KDM4B: variants seen among roughly 807,000 people sequenced by gnomAD.
KDM4B encodes the protein lysine-specific demethylase 4B.
KDM4B carries 32 observed loss-of-function variants against 125.2 expected under a neutral mutation model. That is an observed-to-expected ratio of 0.26 (90% CI 0.19 to 0.34). KDM4B has a LOEUF of 0.34. KDM4B is among the 10% of genes least tolerant of loss of function. KDM4B has a pLI of 1.00. For synonymous variants in KDM4B, 721 were observed against 677.9 expected, an observed-to-expected ratio of 1.06 and a Z score of -0.99; for missense variants, 1,190 against 1,577.7, an observed-to-expected ratio of 0.75 and a Z score of 4.16.
intron 10 of KDM4B, among the ~76,000 whole-genome samples, chr19:5,111,119 G>A (rs954897835): frequency 8.5e-5 from 13 of 152,230 alleles, no homozygotes; most frequent in Admixed American, 7.2e-4. Flanking sequence ...GTCCCCGCCA[G>A]GAGGCTGACC....
intron 1 of KDM4B, among the ~76,000 whole-genome samples, chr19:5,005,636 G>A (rs771275138): frequency 6.6e-6 from 1 of 152,196 alleles, no homozygotes; most frequent in Non-Finnish European, 1.5e-5. Flanking sequence ...TCCCAGCACT[G>A]TTTGTTGAAA....
At chr19:4,986,393 C>T (rs903481937) in intron 1 of KDM4B, among the ~76,000 whole-genome samples, 2 of 152,146 alleles carry the variant, frequency 1.3e-5, no homozygotes, top group East Asian at 3.9e-4. Flanking sequence ...GAGCGCTGGC[C>T]GTGGGGACTC....
chr19:5,055,316 G>T (rs560400080), intron 6 of KDM4B, among the ~76,000 whole-genome samples: 1 of 152,352 alleles, frequency 6.6e-6, no homozygotes, highest in African/African-American at 2.4e-5. Flanking sequence ...CCTGGCTCTT[G>T]CTGGGAGCTG....
At position 5,030,667 on chromosome 19, in the gene KDM4B, C is replaced by T. The variant is rs1013731080; in HGVS notation, c.-25-2199C>T. The stretch of plus-strand genomic sequence containing the variant: ...AAGCGCAGGGGGAGACTCATGCGGT[C>T]ATGGCAGTGCCCTGGCATAGCATGC... On this transcript the variant is annotated intron_variant, in intron 2 of 22. Transcript: ENST00000159111. Among the ~76,000 whole-genome samples the T allele has an allele frequency of 1.1e-4, 17 of 152,374 alleles. No homozygotes were observed. The Middle Eastern group carries it at 0.014, about 122-fold the overall frequency.
chr19:5,023,366 G>C (rs2036181349), intron 2 of KDM4B, among the ~76,000 whole-genome samples: 1 of 152,262 alleles, frequency 6.6e-6, no homozygotes, highest in South Asian at 2.1e-4. Flanking sequence ...AGCTGCTCGT[G>C]GGACGTGGTG....
intron 2 of KDM4B, among the ~76,000 whole-genome samples, chr19:5,030,124 T>G (rs1014025119): frequency 5.3e-5 from 8 of 152,164 alleles, no homozygotes; most frequent in African/African-American, 1.7e-4. Context: ...ATTTATCTAT[T>G]TTTTGAGACA....
rs1452218268 is a variant in KDM4B, at chr19:4,994,780, T to C, written c.-108-21477T>C. On this transcript the variant is annotated intron_variant, in intron 1 of 22. Transcript: ENST00000159111. ...TTTTGTTCCTTTATTCCTTCTTTGA[T>C]GTTTTCTTTTGCATTAAGTGAATAT... Among the ~76,000 whole-genome samples, 3 of 152,278 alleles carry C rather than the reference T, an allele frequency of 2.0e-5. No homozygotes were observed. The East Asian group carries it at 5.8e-4, about 29-fold the overall frequency.
chr19:4,973,577 G>C (rs2034335536), intron 1 of KDM4B, among the ~76,000 whole-genome samples: 1 of 152,106 alleles, frequency 6.6e-6, no homozygotes, highest in Admixed American at 6.5e-5. Context: ...CAAATACTGA[G>C]GGGGGAGTGG....
In KDM4B at chr19:5,138,058, G is replaced by A. The variant is rs972964326; in HGVS notation, c.2538G>A (p.Gln846=). ...HPVDISAIPE[Q]RWKLKCVYCR... ...TGGACATCAGCGCCATCCCCGAGCA[G>A]CGGTGGAAGCTGGTAGGTCCTTGCG... The change falls in exon 18 of 23, where the codon CAG becomes CAA. Residue 846 remains glutamine (Q), a synonymous_variant. Coordinates refer to ENST00000159111, the MANE Select transcript of KDM4B (RefSeq NM_015015.3). The A allele has an allele frequency of 6.2e-7, 1 of 1,612,162 alleles. No individual in the cohort carries two copies. The highest frequency in any genetic ancestry group is 1.7e-5 in the Admixed American group (1 of 59,962).
chr19:5,002,213 G>A (rs2035408954), intron 1 of KDM4B, among the ~76,000 whole-genome samples: 1 of 152,154 alleles, frequency 6.6e-6, no homozygotes, highest in East Asian at 1.9e-4. Context: ...GGTCAGGCTG[G>A]TCTCAAAATC....
intron 1 of KDM4B, among the ~76,000 whole-genome samples, chr19:4,999,926 GACCC>G (rs939037518): frequency 2.1e-5 from 1 of 47,510 alleles, no homozygotes; most frequent in African/African-American, 8.7e-5. Context: ...TCCACACACC[GACCC>G]ACCCACCCAC....
chr19:5,092,181 G>A (rs1286859091), intron 9 of KDM4B, among the ~76,000 whole-genome samples: 1 of 152,198 alleles, frequency 6.6e-6, no homozygotes, highest in Non-Finnish European at 1.5e-5. Context: ...TGGAAAGAAG[G>A]CCTCGTTTAG....
intron 1 of KDM4B, among the ~76,000 whole-genome samples, chr19:5,006,527 C>T (rs573948342): frequency 4.6e-5 from 7 of 152,300 alleles, no homozygotes; most frequent in African/African-American, 1.7e-4. Context: ...AATCCCAGCA[C>T]TCTGGGAGGC....
At chr19:5,044,478 G>A (rs1335920291) in intron 5 of KDM4B, among the ~76,000 whole-genome samples, 1 of 152,138 alleles carries the variant, frequency 6.6e-6, no homozygotes, top group Non-Finnish European at 1.5e-5. Flanking sequence ...CAGTTCATCC[G>A]CTGACGGACA....
chr19:5,119,446 T>C (rs1420156817), intron 10 of KDM4B, among the ~76,000 whole-genome samples: 3 of 152,076 alleles, frequency 2.0e-5, no homozygotes, highest in Non-Finnish European at 2.9e-5. Context: ...CTCCCTTTGG[T>C]CTCTCCTCCC....
Position 5,144,238 on chromosome 19 carries a change from A to G in KDM4B, c.2737-10A>G, listed in dbSNP as rs1364946170. ...GCTGACCGCCCCCCACACCCTCCGC[A>G]CCCTCCCAGGTCCAACTCCTGAGGG... is the stretch of plus-strand genomic sequence containing the variant. On this transcript the variant is annotated splice_polypyrimidine_tract_variant and intron_variant, in intron 19 of 22. Coordinates refer to ENST00000159111, the MANE Select transcript of KDM4B (RefSeq NM_015015.3). 6.4e-7 allele frequency: 1 copy of G among 1,568,724 alleles called. No individual in the cohort carries two copies. The highest frequency in any genetic ancestry group is 8.6e-7 in the Non-Finnish European group (1 of 1,158,982).
chr19:5,026,095 G>A (rs1415807534), intron 2 of KDM4B, among the ~76,000 whole-genome samples: 1 of 151,460 alleles, frequency 6.6e-6, no homozygotes, highest in African/African-American at 2.4e-5. Flanking sequence ...TGTTGGCCAT[G>A]TCTTGAGCCC....
intron 11 of KDM4B, among the ~76,000 whole-genome samples, chr19:5,128,123 G>A (rs576936088): frequency 1.3e-5 from 2 of 152,124 alleles, no homozygotes; most frequent in South Asian, 2.1e-4. Context: ...TGTGAGGACA[G>A]CCCGGCTCTG....
In KDM4B at chr19:5,141,021, C is replaced by T. The variant is rs2039732794; in HGVS notation, c.2551-2946C>T. On this transcript the variant is annotated intron_variant, in intron 18 of 22. Coordinates refer to ENST00000159111, the MANE Select transcript of KDM4B (RefSeq NM_015015.3). This position sits in a 1 kb window ranked among gnomAD's most constrained non-coding sequence, Gnocchi z 6.4. Reference sequence around the variant, plus strand: ...TGGGGCTGGAAGCAGACAGATCAGTCTGGCAGGGTGGGTCTGCTGGGGAGA... The same window carrying T: ...TGGGGCTGGAAGCAGACAGATCAGTTTGGCAGGGTGGGTCTGCTGGGGAGA... 6.6e-6 allele frequency: 1 copy of T among 152,272 alleles called. No homozygotes were observed. Among genetic ancestry groups the T allele is most frequent in the Non-Finnish European group, 1.5e-5 (1 of 68,048 alleles). The allele number at this position is 152,272 out of a possible 1,614,324, so 9.4% of individuals were successfully genotyped here. A position where few individuals can be genotyped will look rare whatever the true frequency, so the allele number is the denominator to read the frequency against.
Sources: gnomAD v4.1 joint callset for allele counts (sites outside exome capture counted in the v4.1 genomes callset) on GRCh38, gnomAD v4.1.1 for gene constraint, Gnocchi (gnomAD v3.1) non-coding constraint, MANE v1.5 for transcripts, NCBI Gene and HGNC (gene_info 2026-07-23, HGNC 2026-07-21) for gene names.